RBFOX1: variants seen among roughly 807,000 people sequenced by gnomAD.
RBFOX1 encodes RNA binding protein fox-1 homolog 1.
In RBFOX1, 8 loss-of-function variants were observed where a neutral mutation model predicts 57.7. The ratio of observed to expected loss-of-function variants is 0.14; its 90% CI spans 0.08 to 0.25. The LOEUF is 0.25. Among genes scored for constraint, RBFOX1 ranks in the 10% least tolerant of loss-of-function variants. The pLI is 1.00. For missense variants in RBFOX1, 611 were observed against 548.5 expected, an observed-to-expected ratio of 1.11 and a Z score of -1.14; for synonymous variants, 326 against 222.4, an observed-to-expected ratio of 1.47 and a Z score of -4.15.
intron 1 of RBFOX1, among the ~76,000 whole-genome samples, chr16:5,393,042 C>T (rs995986573): frequency 2.0e-5 from 3 of 152,080 alleles, no homozygotes; most frequent in African/African-American, 7.2e-5. Flanking sequence ...GGCTAAAAGA[C>T]CTCCGAGCAT....
rs2073119116 is a variant in RBFOX1 at position 7,505,941 on chromosome 16, T to C, written c.28-12206T>C. Among the ~76,000 whole-genome samples, 4 of 152,180 alleles carry C rather than the reference T, an allele frequency of 2.6e-5. No homozygotes were observed. In the South Asian group the frequency reaches 8.3e-4, roughly 32 times the overall value. ...TGGCTCATGCCTGTAATCCGAGCAC[T>C]TTGGGAGGCTGAGGTGAGTGGATCA... On this transcript the variant is annotated intron_variant, in intron 4 of 15. Coordinates refer to ENST00000550418, the MANE Select transcript of RBFOX1 (RefSeq NM_018723.4).
intron 3 of RBFOX1, among the ~76,000 whole-genome samples, chr16:6,761,500 C>CTTTGTTTT (rs2076588508): frequency 1.7e-5 from 1 of 60,128 alleles, no homozygotes; most frequent in Admixed American, 3.1e-4. Context: ...TCCCAATCTC[C>CTTTGTTTT]TTTTTTTTTT....
intron 3 of RBFOX1, among the ~76,000 whole-genome samples, chr16:6,734,290 T>A (rs547403252): frequency 7.8e-4 from 119 of 152,306 alleles, no homozygotes; most frequent in African/African-American, 2.7e-3. Flanking sequence ...CGAGGGCTGG[T>A]ATAGAGATAT....
chr16:6,394,766 A>C (rs2092752087), intron 2 of RBFOX1, among the ~76,000 whole-genome samples: 1 of 152,034 alleles, frequency 6.6e-6, no homozygotes, highest in Non-Finnish European at 1.5e-5. Context: ...ATGCTTGTCT[A>C]CCAAAACAGC....
intron 4 of RBFOX1, among the ~76,000 whole-genome samples, chr16:7,477,319 A>G (rs1450801911): frequency 6.6e-6 from 1 of 152,016 alleles, no homozygotes; most frequent in African/African-American, 2.4e-5. Flanking sequence ...CATATCATCT[A>G]TTTCAGTTTG....
At chr16:7,611,462 C>T (rs1294204560) in intron 10 of RBFOX1, among the ~76,000 whole-genome samples, 1 of 152,000 alleles carries the variant, frequency 6.6e-6, no homozygotes, top group East Asian at 1.9e-4. Flanking sequence ...CCCTGTAATA[C>T]CAGCTACCTG....
At chr16:5,330,433 C>T (rs1040227455) in intron 1 of RBFOX1, among the ~76,000 whole-genome samples, 1 of 152,074 alleles carries the variant, frequency 6.6e-6, no homozygotes, top group Non-Finnish European at 1.5e-5. Context: ...GACAGAGTCT[C>T]AGTCTGTCAC....
At chr16:7,168,101 A>G (rs1013800895) in intron 4 of RBFOX1, among the ~76,000 whole-genome samples, 1 of 152,216 alleles carries the variant, frequency 6.6e-6, no homozygotes, top group Non-Finnish European at 1.5e-5. Context: ...TACATTTAAA[A>G]GATTCAAGGA....
intron 4 of RBFOX1, among the ~76,000 whole-genome samples, chr16:7,469,355 C>G (rs149384539): frequency 6.6e-6 from 1 of 152,242 alleles, no homozygotes; most frequent in Non-Finnish European, 1.5e-5. Context: ...AGCCACCGCA[C>G]CTGGCCCCAG....
At chr16:5,528,565 T>TTTTTTTTTTTTTTTTTTTTTTTTTC (rs1555457752) in intron 2 of RBFOX1, among the ~76,000 whole-genome samples, 1 of 135,316 alleles carries the variant, frequency 7.4e-6, no homozygotes, top group Non-Finnish European at 1.5e-5. Context: ...TTTTTTTTTT[T>TTTTTTTTTTTTTTTTTTTTTTTTTC]CTGGCTTCTT....
At chr16:7,478,840 C>T (rs961631073) in intron 4 of RBFOX1, among the ~76,000 whole-genome samples, 1 of 152,136 alleles carries the variant, frequency 6.6e-6, no homozygotes, top group Admixed American at 6.5e-5. Context: ...TAGAAAACCT[C>T]CTTTGCTTGA....
intron 3 of RBFOX1, among the ~76,000 whole-genome samples, chr16:6,812,542 T>G (rs375934828): frequency 1.3e-5 from 2 of 151,702 alleles, no homozygotes; most frequent in African/African-American, 2.4e-5. Context: ...CCCAGCTAAT[T>G]TTTTTTGTAT....
At chr16:5,948,336 C>G (rs756414239) in intron 4 of RBFOX1, among the ~76,000 whole-genome samples, 33 of 152,174 alleles carry the variant, frequency 2.2e-4, no homozygotes, top group Non-Finnish European at 3.2e-4. Context: ...TGGCCTTTGG[C>G]TCCTGGCCAT....
intron 4 of RBFOX1, among the ~76,000 whole-genome samples, chr16:5,961,920 A>T (rs1213077396): frequency 2.6e-5 from 4 of 152,194 alleles, no homozygotes; most frequent in Admixed American, 1.3e-4. Context: ...GGTGAAGTTT[A>T]TCTTTCTCTA....
intron 4 of RBFOX1, among the ~76,000 whole-genome samples, chr16:7,104,689 A>G (rs1229829616): frequency 1.3e-5 from 2 of 152,152 alleles, no homozygotes; most frequent in African/African-American, 2.4e-5. Context: ...TTACATATTC[A>G]TGGTCAGTGG....
chr16:7,170,918 T>G (rs1290767353), intron 4 of RBFOX1, among the ~76,000 whole-genome samples: 2 of 152,200 alleles, frequency 1.3e-5, no homozygotes, highest in African/African-American at 4.8e-5. Context: ...GCCATCTGGT[T>G]GGGTCTGTCT....
At chr16:5,929,164 C>T (rs1311348190) in intron 4 of RBFOX1, among the ~76,000 whole-genome samples, 3 of 152,046 alleles carry the variant, frequency 2.0e-5, no homozygotes, top group Middle Eastern at 3.2e-3. Context: ...TCTTGGGAAG[C>T]GGACAGGGAA....
chr16:5,777,677 C>T (rs1338553927), intron 3 of RBFOX1, among the ~76,000 whole-genome samples: 1 of 152,130 alleles, frequency 6.6e-6, no homozygotes, highest in Non-Finnish European at 1.5e-5. Context: ...TGTTGTGAGA[C>T]TTAATTAAGG....
intron 4 of RBFOX1, among the ~76,000 whole-genome samples, chr16:5,934,260 C>T (rs1341826867): frequency 6.6e-6 from 1 of 152,234 alleles, no homozygotes; most frequent in Non-Finnish European, 1.5e-5. Flanking sequence ...CTCTCCAAAG[C>T]TCCCCAGCTT....
Sources: gnomAD v4.1 joint callset for allele counts (sites outside exome capture counted in the v4.1 genomes callset) on GRCh38, gnomAD v4.1.1 for gene constraint, MANE v1.5 for transcripts, NCBI Gene and HGNC (gene_info 2026-07-23, HGNC 2026-07-21) for gene names.